Variants in MAGI2 observed in about 807,000 individuals in gnomAD.
MAGI2 encodes the protein membrane associated guanylate kinase, WW and PDZ domain containing 2, also known as membrane-associated guanylate kinase, WW and PDZ domain-containing protein 2.
In MAGI2, 35 loss-of-function variants were observed where a neutral mutation model predicts 133.3. The ratio of observed to expected loss-of-function variants is 0.26; its 90% CI spans 0.20 to 0.35. The LOEUF is 0.35. Among genes scored for constraint, MAGI2 ranks in the 10% least tolerant of loss-of-function variants. The pLI, the probability that MAGI2 is intolerant of heterozygous loss-of-function variation, is 1.00. For missense variants in MAGI2, 1,636 were observed against 1,863.4 expected (o/e 0.88, Z 2.25); for synonymous variants, 729 against 710.6 (o/e 1.03, Z -0.41).
intron 20 of MAGI2, among the ~76,000 whole-genome samples, chr7:78,118,625 G>A (rs1820116109): frequency 6.6e-6 from 1 of 152,164 alleles, no homozygotes; most frequent in African/African-American, 2.4e-5. Context: ...TGCCATCGAG[G>A]AAATGTAAAT....
At chr7:78,428,853 C>G (rs1480896184) in intron 6 of MAGI2, among the ~76,000 whole-genome samples, 2 of 152,194 alleles carry the variant, frequency 1.3e-5, no homozygotes, top group Non-Finnish European at 2.9e-5. Context: ...TTCCAAGGGA[C>G]AAGTGATTCA....
intron 1 of MAGI2, among the ~76,000 whole-genome samples, chr7:79,318,365 A>C (rs568615786): frequency 6.6e-6 from 1 of 152,078 alleles, no homozygotes; most frequent in East Asian, 1.9e-4. Context: ...TGTCTCATTA[A>C]GTAAATTGAA....
chr7:78,414,732 A>G (rs1798151694), intron 6 of MAGI2, among the ~76,000 whole-genome samples: 1 of 152,074 alleles, frequency 6.6e-6, no homozygotes. Flanking sequence ...GAAATGGGGC[A>G]GACCCAGCCC....
chr7:78,037,084 A>G (rs1810311420), intron 21 of MAGI2, among the ~76,000 whole-genome samples: 1 of 152,170 alleles, frequency 6.6e-6, no homozygotes, highest in Admixed American at 6.5e-5. Context: ...CCCCCTGTGC[A>G]AGAACCAGTG....
intron 3 of MAGI2, among the ~76,000 whole-genome samples, chr7:78,536,361 C>G (rs1349844045): frequency 6.6e-6 from 1 of 151,768 alleles, no homozygotes; most frequent in African/African-American, 2.4e-5. Flanking sequence ...ATCCGCCCGC[C>G]TCGGCCTCCC....
At chr7:79,415,145 C>T (rs532885060) in intron 1 of MAGI2, 4 of 152,124 alleles carry the variant, frequency 2.6e-5, no homozygotes, top group Non-Finnish European at 5.9e-5. Context: ...TCATTACTCA[C>T]CTCTAGCCTA....
chr7:78,298,852 G>A (rs1263400032), intron 9 of MAGI2, among the ~76,000 whole-genome samples: 2 of 120,328 alleles, frequency 1.7e-5, no homozygotes, highest in Non-Finnish European at 3.2e-5. Flanking sequence ...GTCTCGCTCT[G>A]TTGCCCAGGC....
intron 2 of MAGI2, among the ~76,000 whole-genome samples, chr7:78,802,993 CT>C (rs1463614165): frequency 6.8e-6 from 1 of 147,956 alleles, no homozygotes; most frequent in Non-Finnish European, 1.5e-5. Flanking sequence ...TTCAATTTAG[CT>C]TTCTTGTAAA....
At chr7:78,623,345 A>C (rs1454759260) in intron 3 of MAGI2, among the ~76,000 whole-genome samples, 1 of 152,102 alleles carries the variant, frequency 6.6e-6, no homozygotes, top group Admixed American at 6.6e-5. Context: ...AATGTGTGCA[A>C]ACTAATGAAT....
At chr7:78,508,868 T>C (rs879329728) in intron 4 of MAGI2, among the ~76,000 whole-genome samples, 4 of 151,040 alleles carry the variant, frequency 2.6e-5, no homozygotes, top group Non-Finnish European at 5.9e-5. Flanking sequence ...TATGCTTTTA[T>C]TGTTAAATTG....
At chr7:78,333,437 TC>T (rs74760065) in intron 9 of MAGI2, among the ~76,000 whole-genome samples, 14,329 of 152,262 alleles carry the variant, frequency 0.094, 809 homozygotes, top group South Asian at 0.18. Context: ...ACCAAAAGGT[TC>T]CCCCTTCTCT....
intron 2 of MAGI2, among the ~76,000 whole-genome samples, chr7:78,666,716 G>A (rs576452038): frequency 6.6e-6 from 1 of 152,272 alleles, no homozygotes; most frequent in Non-Finnish European, 1.5e-5. Context: ...TACTCAATTT[G>A]ATTCTTACCA....
At chr7:78,748,090 T>G (rs1162304848) in intron 2 of MAGI2, among the ~76,000 whole-genome samples, 1 of 152,026 alleles carries the variant, frequency 6.6e-6, no homozygotes, top group Non-Finnish European at 1.5e-5. Flanking sequence ...GAGACCATAC[T>G]AATTACCACT....
At chr7:79,216,277 C>A (rs981324044) in intron 1 of MAGI2, among the ~76,000 whole-genome samples, 13 of 151,902 alleles carry the variant, frequency 8.6e-5, no homozygotes, top group African/African-American at 2.9e-4. Context: ...CACTCCATCC[C>A]CTTTGTAGCT....
intron 2 of MAGI2, among the ~76,000 whole-genome samples, chr7:78,972,929 T>G (rs1803910640): frequency 8.1e-6 from 1 of 122,876 alleles, no homozygotes; most frequent in African/African-American, 3.2e-5. Flanking sequence ...TCTGTGCTCT[T>G]GTTGCTTTTA....
chr7:78,040,262 T>C (rs921035885), intron 21 of MAGI2, among the ~76,000 whole-genome samples: 13 of 152,190 alleles, frequency 8.5e-5, no homozygotes, highest in Non-Finnish European at 1.3e-4. Context: ...CGACTTCCTT[T>C]GGATCACCTT....
chr7:78,313,213 G>A (rs1798867246), intron 9 of MAGI2, among the ~76,000 whole-genome samples: 1 of 151,960 alleles, frequency 6.6e-6, no homozygotes, highest in African/African-American at 2.4e-5. Flanking sequence ...ATTAGAGTGT[G>A]GTGAAGGATG....
intron 2 of MAGI2, among the ~76,000 whole-genome samples, chr7:78,890,035 T>C (rs1046667598): frequency 2.6e-5 from 4 of 152,130 alleles, no homozygotes; most frequent in African/African-American, 9.7e-5. Flanking sequence ...TGGAGGAAGA[T>C]CTACCAAGCA....
At chr7:78,420,979 T>A (rs1165421911) in intron 6 of MAGI2, among the ~76,000 whole-genome samples, 1 of 152,166 alleles carries the variant, frequency 6.6e-6, no homozygotes, top group Non-Finnish European at 1.5e-5. Context: ...AAGGAGTACA[T>A]AAAGTGTTCC....
Sources: allele counts gnomAD v4.1 joint callset (sites outside exome capture counted in the v4.1 genomes callset), GRCh38; gene constraint gnomAD v4.1.1; transcripts MANE v1.5; gene names NCBI Gene and HGNC (gene_info 2026-07-23, HGNC 2026-07-21).